NRXN3: variants seen among roughly 807,000 people sequenced by gnomAD.
NRXN3 encodes the protein neurexin III.
NRXN3 carries 32 observed loss-of-function variants against 137.6 expected under a neutral mutation model. The ratio of observed to expected loss-of-function variants is 0.23; its 90% confidence interval spans 0.18 to 0.31. The LOEUF is 0.31. NRXN3 is among the 10% of genes least tolerant of loss of function. The pLI, the probability that NRXN3 is intolerant of heterozygous loss-of-function variation, is 1.00. For missense variants in NRXN3, 1,574 were observed against 2,062.5 expected, an observed-to-expected ratio of 0.76 and a Z score of 4.59; for synonymous variants, 798 against 784.5, an observed-to-expected ratio of 1.02 and a Z score of -0.29.
chr14:79,694,105 T>C (rs1280923331), intron 18 of NRXN3, among the ~76,000 whole-genome samples: 2 of 151,940 alleles, frequency 1.3e-5, no homozygotes, highest in Non-Finnish European at 2.9e-5. Context: ...AATGCCTCTT[T>C]GGAGTTATTT....
At chr14:78,489,876 T>C (rs1005276194) in intron 4 of NRXN3, among the ~76,000 whole-genome samples, 3 of 150,744 alleles carry the variant, frequency 2.0e-5, no homozygotes, top group African/African-American at 7.3e-5. Flanking sequence ...GTTTCTAAGA[T>C]GCCACTCAAG....
chr14:79,338,196 GGTGTGTGTGTGTGTGTATGTGAGTGTGT>G (rs1034467059), intron 15 of NRXN3, among the ~76,000 whole-genome samples: 24 of 141,156 alleles, frequency 1.7e-4, no homozygotes, highest in Non-Finnish European at 3.0e-4. Context: ...AGGCAGCCGG[GGTGTGTGTGTGTGTGTATGTGAGTGTGT>G]GTGTGTGTGT....
intron 19 of NRXN3, among the ~76,000 whole-genome samples, chr14:79,784,941 G>A (rs1460293269): frequency 1.3e-5 from 2 of 152,084 alleles, no homozygotes; most frequent in East Asian, 3.9e-4. Flanking sequence ...TCATTCAGTT[G>A]CAAGACAGAA....
intron 15 of NRXN3, among the ~76,000 whole-genome samples, chr14:79,358,659 A>AAGAAAGAAAGAAAGAG (rs2093568133): frequency 2.0e-5 from 3 of 150,576 alleles, no homozygotes; most frequent in South Asian, 2.1e-4. Context: ...GAAAGAAAGA[A>AAGAAAGAAAGAAAGAG]AGAAAGAAAG....
At chr14:79,651,853 T>A (rs763762176) in intron 16 of NRXN3, among the ~76,000 whole-genome samples, 9 of 152,220 alleles carry the variant, frequency 5.9e-5, no homozygotes, top group Non-Finnish European at 1.2e-4. Context: ...TGATCCCTAA[T>A]GACCAGTTCC....
At position 79,273,191 on chromosome 14, in the gene NRXN3, A is replaced by T. The variant is rs1435716661; in HGVS notation, c.3263-194030A>T. On this transcript the variant is annotated intron_variant, in intron 15 of 20. Transcript: ENST00000335750. Reference sequence around the variant, plus strand: ...TGTGGCCAAAAAAAAAAAAAAAAAAAAAAAAAAAATGGGTGGGAGGGAGGG... The same window carrying T: ...TGTGGCCAAAAAAAAAAAAAAAAAATAAAAAAAAATGGGTGGGAGGGAGGG... Among the ~76,000 whole-genome samples, 75 of 150,974 alleles carry T rather than the reference A, an allele frequency of 5.0e-4. 1 individual carries two copies. Among genetic ancestry groups the T allele is most frequent in the Admixed American group, 1.4e-3 (21 of 15,172 alleles).
rs368149497 is a variant in NRXN3, at chr14:79,188,396, A to ATT, written c.3262+200265_3262+200266dup. Among the ~76,000 whole-genome samples, 92 of 147,316 alleles carry ATT rather than the reference A, an allele frequency of 6.2e-4. 1 individual carries two copies. The highest frequency in any genetic ancestry group is 3.4e-3 in the Middle Eastern group (1 of 292). On this transcript the variant is annotated intron_variant, in intron 15 of 20. Coordinates refer to ENST00000335750, the MANE Select transcript of NRXN3 (RefSeq NM_001330195.2). ...TAGCCCTTTGGCTTGTACAATACAT[A>ATT]TTTTTTTTTTTAGAATATACTGGAA...
At chr14:79,562,142 C>A (rs1301984328) in intron 16 of NRXN3, among the ~76,000 whole-genome samples, 3 of 152,052 alleles carry the variant, frequency 2.0e-5, no homozygotes, top group Admixed American at 6.6e-5. Flanking sequence ...GTGGAATATA[C>A]CCCCCATTTC....
At chr14:79,629,814 CGTGT>C (rs1567714148) in intron 16 of NRXN3, among the ~76,000 whole-genome samples, 1 of 92,798 alleles carries the variant, frequency 1.1e-5, no homozygotes. Flanking sequence ...TGTGTATGTG[CGTGT>C]GTGTGTGCGT....
At chr14:78,230,083 G>A (rs530922889) in intron 1 of NRXN3, among the ~76,000 whole-genome samples, 90 of 152,176 alleles carry the variant, frequency 5.9e-4, no homozygotes, top group Admixed American at 1.8e-3. Context: ...AGAGTGCAGT[G>A]GCACGATCTC....
intron 4 of NRXN3, among the ~76,000 whole-genome samples, chr14:78,424,260 G>T (rs1175124627): frequency 6.6e-6 from 1 of 152,194 alleles, no homozygotes; most frequent in Non-Finnish European, 1.5e-5. Flanking sequence ...AGTCCATTTA[G>T]ATGTCTTCTT....
chr14:78,618,687 T>A (rs1178985860), intron 4 of NRXN3, among the ~76,000 whole-genome samples: 1 of 152,188 alleles, frequency 6.6e-6, no homozygotes, highest in Non-Finnish European at 1.5e-5. Flanking sequence ...CATCATCTCA[T>A]TTCATCTTCA....
rs534411318 is a variant in NRXN3, at chr14:79,159,367, T to C, written c.3262+171226T>C. 2.6e-5 allele frequency among the ~76,000 whole-genome samples: 4 copies of C among 151,986 alleles called. No individual in the cohort carries two copies. The South Asian group carries it at 8.3e-4, about 32-fold the overall frequency. ...TTCATTTAAAGCTCTGGTCTTGTCT[T>C]CAGCTTATCTGAGCACAGTGGTCTT... On this transcript the variant is annotated intron_variant, in intron 15 of 20. Transcript: ENST00000335750.
intron 8 of NRXN3, among the ~76,000 whole-genome samples, chr14:78,723,772 A>T (rs2152876271): frequency 7.6e-6 from 1 of 131,718 alleles, no homozygotes; most frequent in Middle Eastern, 3.8e-3. Flanking sequence ...TGAAAAAATG[A>T]TCTGGCTGGT....
chr14:79,653,955 C>T (rs939611200), intron 16 of NRXN3, among the ~76,000 whole-genome samples: 2 of 152,144 alleles, frequency 1.3e-5, no homozygotes, highest in African/African-American at 2.4e-5. Flanking sequence ...TTGGAAAGTA[C>T]CCCACTCTGG....
At chr14:78,232,809 C>T (rs549955547) in intron 1 of NRXN3, among the ~76,000 whole-genome samples, 1 of 152,324 alleles carries the variant, frequency 6.6e-6, no homozygotes, top group South Asian at 2.1e-4. Context: ...AGATGGCTTT[C>T]CAAACCATGG....
chr14:79,569,037 A>T (rs1414119480), intron 16 of NRXN3, among the ~76,000 whole-genome samples: 1 of 152,098 alleles, frequency 6.6e-6, no homozygotes, highest in African/African-American at 2.4e-5. Flanking sequence ...CTTAAAAAAA[A>T]ATGGCTATTT....
At chr14:78,373,176 A>T (rs1282340918) in intron 4 of NRXN3, among the ~76,000 whole-genome samples, 1 of 152,240 alleles carries the variant, frequency 6.6e-6, no homozygotes, top group Non-Finnish European at 1.5e-5. Flanking sequence ...AGTCAAAAGC[A>T]AAAGGGAGCC....
At chr14:78,543,624 A>T (rs2096612226) in intron 4 of NRXN3, among the ~76,000 whole-genome samples, 1 of 151,934 alleles carries the variant, frequency 6.6e-6, no homozygotes, top group Admixed American at 6.5e-5. Flanking sequence ...GTTAAGATAA[A>T]CACTGCAGAG....
Sources: gnomAD v4.1 joint callset for allele counts (sites outside exome capture counted in the v4.1 genomes callset) on GRCh38, gnomAD v4.1.1 for gene constraint, MANE v1.5 for transcripts, NCBI Gene and HGNC (gene_info 2026-07-23, HGNC 2026-07-21) for gene names.